The following MARCHF1 variants were observed in gnomAD, a reference collection of about 807,000 sequenced individuals.
The protein encoded by MARCHF1 is E3 ubiquitin-protein ligase MARCHF1.
Under a neutral mutation model 54.2 loss-of-function variants are expected in MARCHF1, and 40 were observed. That is an observed-to-expected ratio of 0.74 (90% confidence interval 0.57 to 0.96). MARCHF1 has a LOEUF of 0.96. Among genes scored for constraint, MARCHF1 ranks in the 40% least tolerant of loss-of-function variants. The pLI is 0.00. For missense variants in MARCHF1, 586 were observed against 656.5 expected (o/e 0.89, Z 1.17); for synonymous variants, 236 against 236.3 (o/e 1.00, Z 0.01).
intron 4 of MARCHF1, among the ~76,000 whole-genome samples, chr4:163,714,399 T>C (rs1745197591): frequency 6.6e-6 from 1 of 152,260 alleles, no homozygotes; most frequent in Non-Finnish European, 1.5e-5. Flanking sequence ...CCACTCACTG[T>C]CCATAAATAG....
intron 5 of MARCHF1, among the ~76,000 whole-genome samples, chr4:163,656,102 AC>A (rs1743129203): frequency 6.7e-6 from 1 of 148,668 alleles, no homozygotes; most frequent in African/African-American, 2.5e-5. Flanking sequence ...CTTTCAAAAA[AC>A]CAATGAATCC....
At chr4:164,122,958 GA>G (rs1756103035) in intron 1 of MARCHF1, among the ~76,000 whole-genome samples, 2 of 152,014 alleles carry the variant, frequency 1.3e-5, no homozygotes, top group African/African-American at 4.8e-5. Flanking sequence ...AGCAATTCAA[GA>G]AATTCAAGAA....
chr4:163,730,712 TC>T (rs1745800381), intron 4 of MARCHF1, among the ~76,000 whole-genome samples: 1 of 152,196 alleles, frequency 6.6e-6, no homozygotes, highest in African/African-American at 2.4e-5. Flanking sequence ...GCCTCTGTGT[TC>T]ATGATCAGCC....
At chr4:163,807,126 G>A (rs752539714) in intron 4 of MARCHF1, among the ~76,000 whole-genome samples, 1 of 152,096 alleles carries the variant, frequency 6.6e-6, no homozygotes. Context: ...TTTCACAAAG[G>A]GGATACTTTG....
At chr4:163,535,209 G>A (rs72989842) in intron 9 of MARCHF1, among the ~76,000 whole-genome samples, 5,825 of 151,984 alleles carry the variant, frequency 0.038, 315 homozygotes, top group African/African-American at 0.12. Flanking sequence ...AAAAATTGAG[G>A]GGGGTATATA....
chr4:163,993,564 T>G (rs556217724), intron 2 of MARCHF1, among the ~76,000 whole-genome samples: 16 of 152,282 alleles, frequency 1.1e-4, no homozygotes, highest in African/African-American at 3.6e-4. Flanking sequence ...GACATTCATT[T>G]CAGTCTGTTG....
intron 1 of MARCHF1, among the ~76,000 whole-genome samples, chr4:164,237,218 C>A (rs896053142): frequency 3.9e-5 from 6 of 152,130 alleles, no homozygotes; most frequent in African/African-American, 1.4e-4. Flanking sequence ...TTTAAAAAAT[C>A]TGGCTATTAC....
chr4:164,101,948 C>T (rs1195567395), intron 2 of MARCHF1, among the ~76,000 whole-genome samples: 6 of 146,376 alleles, frequency 4.1e-5, no homozygotes, highest in African/African-American at 1.0e-4. Context: ...AACCAAGGCT[C>T]GAGAACTACG....
chr4:163,840,521 C>T (rs1018934421), intron 4 of MARCHF1, among the ~76,000 whole-genome samples: 1 of 151,930 alleles, frequency 6.6e-6, no homozygotes, highest in Non-Finnish European at 1.5e-5. Context: ...AATAGTTTAA[C>T]CTGATTTGAA....
chr4:164,258,391 T>TATTATAATA, intron 1 of MARCHF1, among the ~76,000 whole-genome samples: 1 of 145,964 alleles, frequency 6.9e-6, no homozygotes. Flanking sequence ...GAACTTAAAG[T>TATTATAATA]ATAATAATAA....
intron 7 of MARCHF1, among the ~76,000 whole-genome samples, chr4:163,601,198 G>A (rs1482848372): frequency 6.6e-6 from 1 of 152,150 alleles, no homozygotes; most frequent in African/African-American, 2.4e-5. Flanking sequence ...GTGGTAATTA[G>A]AAATGCAGAA....
chr4:164,034,640 A>T (rs1753955307), intron 2 of MARCHF1, among the ~76,000 whole-genome samples: 1 of 152,134 alleles, frequency 6.6e-6, no homozygotes. Flanking sequence ...GTGTGTATAT[A>T]TATATATAAT....
intron 8 of MARCHF1, among the ~76,000 whole-genome samples, chr4:163,580,062 A>ATTATTTATTTATTTATTTATTTAT (rs3085769): frequency 1.1e-3 from 157 of 144,276 alleles, no homozygotes; most frequent in African/African-American, 1.3e-3. Context: ...AGCCTTATTT[A>ATTATTTATTTATTTATTTATTTAT]TTATTTATTT....
At chr4:164,070,253 A>C (rs79051179) in intron 2 of MARCHF1, among the ~76,000 whole-genome samples, 2,896 of 152,290 alleles carry the variant, frequency 0.019, 81 homozygotes, top group African/African-American at 0.065. Flanking sequence ...AATTAAGAAA[A>C]GAGTTTTCTG....
chr4:163,980,132 G>T (rs1229778867), intron 3 of MARCHF1, among the ~76,000 whole-genome samples: 1 of 143,698 alleles, frequency 7.0e-6, no homozygotes, highest in African/African-American at 2.6e-5. Flanking sequence ...CAAGGCTACA[G>T]TAACCAAAAC....
intron 7 of MARCHF1, among the ~76,000 whole-genome samples, chr4:163,594,217 T>C (rs947012169): frequency 2.0e-5 from 3 of 152,104 alleles, no homozygotes; most frequent in Admixed American, 6.6e-5. Flanking sequence ...TGGTAGAATA[T>C]ACTAGGCATA....
chr4:163,658,060 TA>T (rs1561002679), intron 5 of MARCHF1, among the ~76,000 whole-genome samples: 1 of 151,400 alleles, frequency 6.6e-6, no homozygotes, highest in Non-Finnish European at 1.5e-5. Context: ...AAAATTGATC[TA>T]ATTAAACCAA....
intron 3 of MARCHF1, among the ~76,000 whole-genome samples, chr4:163,908,728 C>T (rs964000752): frequency 6.6e-6 from 1 of 152,058 alleles, no homozygotes; most frequent in African/African-American, 2.4e-5. Flanking sequence ...ATGGTGGCCC[C>T]AGGAGTCTTG....
intron 4 of MARCHF1, among the ~76,000 whole-genome samples, chr4:163,708,339 A>AT: frequency 6.6e-6 from 1 of 151,884 alleles, no homozygotes; most frequent in South Asian, 2.1e-4. Context: ...TTGTGTCCTT[A>AT]TTTTTTTCCT....
Sources: gnomAD v4.1 joint callset for allele counts (sites outside exome capture counted in the v4.1 genomes callset) on GRCh38, gnomAD v4.1.1 for gene constraint, MANE v1.5 for transcripts, NCBI Gene and HGNC (gene_info 2026-07-23, HGNC 2026-07-21) for gene names.